Variants in TSNARE1 observed in about 807,000 individuals in gnomAD.
TSNARE1 encodes the protein t-SNARE domain-containing protein 1.
Under a neutral mutation model 62.0 loss-of-function variants are expected in TSNARE1, and 49 were observed. The observed-to-expected ratio is 0.79, with a 90% CI of 0.63 to 1.00. The LOEUF (loss-of-function observed/expected upper bound fraction) is 1.00. Among genes scored for constraint, TSNARE1 ranks in the 50% least tolerant of loss-of-function variants. The pLI, the probability that TSNARE1 is intolerant of heterozygous loss-of-function variation, is 0.00. For missense variants in TSNARE1, 755 were observed against 700.1 expected, an observed-to-expected ratio of 1.08 and a Z score of -0.88; for synonymous variants, 328 against 294.4, an observed-to-expected ratio of 1.11 and a Z score of -1.17.
chr8:142,404,764 G>C (rs10092134), upstream of TSNARE1: 124,982 of 152,318 alleles, frequency 0.82, 51,350 homozygotes, highest in Middle Eastern at 0.86. Flanking sequence ...GCCTGTCTGA[G>C]AGCTGTCAGT....
chr8:142,314,300 C>G (rs1828158657), intron 9 of TSNARE1, 84 bp downstream of exon 9: 1 of 1,359,506 alleles, frequency 7.4e-7, no homozygotes. Context: ...TTGGCCCTCC[C>G]CGCCCTTCCA....
At chr8:142,323,273 T>C (rs964053088) in intron 6 of TSNARE1, among the ~76,000 whole-genome samples, 1 of 152,186 alleles carries the variant, frequency 6.6e-6, no homozygotes, top group Non-Finnish European at 1.5e-5. Context: ...AAATGTATAC[T>C]GAGCTACAAA....
intron 12 of TSNARE1, among the ~76,000 whole-genome samples, chr8:142,232,746 C>T (rs1394239797): frequency 2.0e-5 from 3 of 152,180 alleles, no homozygotes; most frequent in Admixed American, 6.5e-5. Flanking sequence ...CGGGCGCAGG[C>T]GATGACAGGC....
Position 142,319,023 on chromosome 8 carries a change from A to G in TSNARE1, c.894-389T>C, listed in dbSNP as rs1829052962. On this transcript the variant is annotated intron_variant, in intron 6 of 13. Coordinates refer to ENST00000524325, the MANE Select transcript of TSNARE1 (RefSeq NM_145003.5). The surrounding 1 kb of genome is among the most constrained non-coding windows in gnomAD (Gnocchi z 4.9). ...AGACGGGGGAGACGGGCAGACACAC[A>G]GCAAGAGGCAGTGGGGGCAGAAAGG... Among the ~76,000 whole-genome samples the G allele has an allele frequency of 6.6e-6, 1 of 151,646 alleles. No individual in the cohort carries two copies. The highest frequency in any genetic ancestry group is 2.4e-5 in the African/African-American group (1 of 41,258).
At chr8:142,270,075 A>G in intron 12 of TSNARE1, 1 of 985,432 alleles carries the variant, frequency 1.0e-6, no homozygotes, top group Non-Finnish European at 1.2e-6. Flanking sequence ...GCTTTGGGCC[A>G]TGGGAGCCAG....
Position 142,270,272 on chromosome 8 carries a change from G to A in TSNARE1, c.1446+4509C>T, listed in dbSNP as rs534203936. ...AATGGAGGAAGAAGGATCTGAAGAC[G>A]CAGGGAAGTGCCCAGGCCCCCGCAG... On this transcript the variant is annotated intron_variant, in intron 12 of 13. Transcript: ENST00000524325. 1.6e-4 allele frequency: 158 copies of A among 985,424 alleles called. 1 individual carries two copies. In the African/African-American group the frequency reaches 2.0e-3, roughly 12 times the overall value. The allele number at this position is 985,424 out of a possible 1,614,324, so 61.0% of individuals were successfully genotyped here.
intron 12 of TSNARE1, among the ~76,000 whole-genome samples, chr8:142,237,812 C>A (rs1410495317): frequency 2.6e-5 from 4 of 152,192 alleles, no homozygotes; most frequent in African/African-American, 9.6e-5. Flanking sequence ...CTCTCCCGAA[C>A]CATGCTTGCA....
At chr8:142,212,878 T>C (rs1466433743) in intron 13 of TSNARE1, among the ~76,000 whole-genome samples, 1 of 90,004 alleles carries the variant, frequency 1.1e-5, no homozygotes, top group Non-Finnish European at 2.2e-5. Flanking sequence ...CTCCAATCCT[T>C]CCTCCCCTTC....
chr8:142,314,739 AG>A (rs2131616091), intron 8 of TSNARE1, among the ~76,000 whole-genome samples: 1 of 152,334 alleles, frequency 6.6e-6, no homozygotes, highest in South Asian at 2.1e-4. Flanking sequence ...CACCTGTCAG[AG>A]CAGGGTGAGA....
At chr8:142,279,682 C>T (rs997833990) in intron 11 of TSNARE1, among the ~76,000 whole-genome samples, 1 of 152,206 alleles carries the variant, frequency 6.6e-6, no homozygotes, top group African/African-American at 2.4e-5. Flanking sequence ...CTTGGTTTCC[C>T]CACCTAAAAG....
At chr8:142,257,768 G>A (rs1013930699) in intron 12 of TSNARE1, among the ~76,000 whole-genome samples, 1 of 152,046 alleles carries the variant, frequency 6.6e-6, no homozygotes, top group East Asian at 1.9e-4. Context: ...ACCCTGGCCA[G>A]GCCACCCCTG....
chr8:142,345,369 T>C (rs948050712), intron 3 of TSNARE1, among the ~76,000 whole-genome samples: 1 of 152,142 alleles, frequency 6.6e-6, no homozygotes, highest in Admixed American at 6.5e-5. Flanking sequence ...ACCGCACCTG[T>C]TCCTCCCCAA....
chr8:142,399,932 C>T (rs1484828927), intron 1 of TSNARE1, among the ~76,000 whole-genome samples: 1 of 152,198 alleles, frequency 6.6e-6, no homozygotes, highest in Non-Finnish European at 1.5e-5. Flanking sequence ...CCATGACTCA[C>T]GCTGGGAATC....
intron 11 of TSNARE1, among the ~76,000 whole-genome samples, chr8:142,279,442 A>C (rs1821037641): frequency 6.6e-6 from 1 of 152,134 alleles, no homozygotes. Flanking sequence ...GCCCCTCACC[A>C]GGCACTGGTC....
At chr8:142,341,256 G>A (rs1832546324) in intron 4 of TSNARE1, among the ~76,000 whole-genome samples, 2 of 152,150 alleles carry the variant, frequency 1.3e-5, no homozygotes, top group African/African-American at 4.8e-5. Context: ...CCCCTTCCCA[G>A]CCTCCCTGCA....
Position 142,296,553 on chromosome 8 carries a change from G to GC in TSNARE1, c.1290+3932dup, listed in dbSNP as rs576867880. Reference sequence around the variant, plus strand: ...ACAAGTACTGGCAAGTCGCTGTGGAGCCCACTACTCCAGGCTCTGGGGATG... The same window carrying GC: ...ACAAGTACTGGCAAGTCGCTGTGGAGCCCCACTACTCCAGGCTCTGGGGATG... On this transcript the variant is annotated intron_variant, in intron 10 of 13. Coordinates refer to ENST00000524325, the MANE Select transcript of TSNARE1 (RefSeq NM_145003.5). Among the ~76,000 whole-genome samples the GC allele has an allele frequency of 6.7e-4, 102 of 152,048 alleles. 1 individual carries two copies. The East Asian group carries it at 0.014, about 21-fold the overall frequency.
chr8:142,349,479 C>CA (rs1833812129), intron 2 of TSNARE1, among the ~76,000 whole-genome samples: 2 of 151,914 alleles, frequency 1.3e-5, no homozygotes, highest in Admixed American at 1.3e-4. Flanking sequence ...AAAATAGCAT[C>CA]AACTTAAAGA....
intron 11 of TSNARE1, among the ~76,000 whole-genome samples, chr8:142,281,359 G>A (rs1028697447): frequency 6.6e-6 from 1 of 152,082 alleles, no homozygotes; most frequent in Non-Finnish European, 1.5e-5. Context: ...GGGATGAATG[G>A]GTCAGAGCCC....
At chr8:142,237,375 C>G (rs576679881) in intron 12 of TSNARE1, among the ~76,000 whole-genome samples, 1 of 152,182 alleles carries the variant, frequency 6.6e-6, no homozygotes, top group Non-Finnish European at 1.5e-5. Context: ...GGCACACGGG[C>G]GGCTCGTGGT....
Sources: allele counts gnomAD v4.1 joint callset (sites outside exome capture counted in the v4.1 genomes callset), GRCh38; gene constraint gnomAD v4.1.1; non-coding constraint Gnocchi (gnomAD v3.1); transcripts MANE v1.5; gene names NCBI Gene and HGNC (gene_info 2026-07-23, HGNC 2026-07-21).